Variants in UBR1 observed in about 807,000 individuals in gnomAD.
UBR1 encodes ubiquitin protein ligase E3 component n-recognin 1.
A neutral mutation model predicts 242.1 loss-of-function variants in UBR1; 102 were observed. The observed-to-expected ratio is 0.42, with a 90% CI of 0.36 to 0.50. The LOEUF is 0.50. UBR1 is among the 20% of genes least tolerant of loss of function. UBR1 has a pLI of 0.01. For synonymous variants in UBR1, 675 were observed against 684.8 expected, an observed-to-expected ratio of 0.99 and a Z score of 0.22; for missense variants, 1,772 against 2,101.8, an observed-to-expected ratio of 0.84 and a Z score of 3.07.
At chr15:43,027,564 A>G (rs993917769) in intron 22 of UBR1, among the ~76,000 whole-genome samples, 41 of 152,114 alleles carry the variant, frequency 2.7e-4, no homozygotes, top group Non-Finnish European at 2.1e-4. Flanking sequence ...ATAAATGAGT[A>G]TTTCTCATTC....
Position 43,086,127 on chromosome 15 carries a change from A to G in UBR1, c.195T>C (p.Ser65=), listed in dbSNP as rs1263218019. ...MDPDLEKQEE[S]VQMSIFTPLE... Reference sequence around the variant, plus strand: ...GTGGAGTGAATATTGACATTTGTACACTTTCCTCCTGCTTTTCCAAGTCTG... The same window carrying G: ...GTGGAGTGAATATTGACATTTGTACGCTTTCCTCCTGCTTTTCCAAGTCTG... Residue 65 remains serine (S), a synonymous_variant, in exon 2 of 47, where the codon AGT becomes AGC. Transcript: ENST00000290650. 4.3e-6 allele frequency: 7 copies of G among 1,613,926 alleles called. No individual in the cohort carries two copies. The highest frequency in any genetic ancestry group is 5.9e-6 in the Non-Finnish European group (7 of 1,179,994).
chr15:43,039,452 A>G (rs1434449161), intron 15 of UBR1, among the ~76,000 whole-genome samples: 1 of 152,082 alleles, frequency 6.6e-6, no homozygotes, highest in Non-Finnish European at 1.5e-5. Context: ...TGTGAATGGG[A>G]GTTCACTCAC....
intron 1 of UBR1, among the ~76,000 whole-genome samples, chr15:43,092,598 G>A (rs1013304386): frequency 6.6e-6 from 1 of 152,088 alleles, no homozygotes; most frequent in African/African-American, 2.4e-5. Flanking sequence ...TCTGTCACCA[G>A]GCTGGAATGC....
chr15:42,962,782 G>A (rs376308683), intron 42 of UBR1, among the ~76,000 whole-genome samples: 1 of 152,142 alleles, frequency 6.6e-6, no homozygotes, highest in Non-Finnish European at 1.5e-5. Context: ...GAGCCACCAC[G>A]CCTGGCCAAC....
At chr15:42,957,896 C>G in intron 44 of UBR1, 117 bp downstream of exon 44, 1 of 930,944 alleles carries the variant, frequency 1.1e-6, no homozygotes, top group South Asian at 1.5e-5. Context: ...CAAAAAAACC[C>G]AAACCAAAAC....
intron 3 of UBR1, among the ~76,000 whole-genome samples, chr15:43,078,042 T>G (rs1301772141): frequency 3.9e-5 from 6 of 152,168 alleles, no homozygotes; most frequent in Admixed American, 3.9e-4. Context: ...AGCCTGTGGG[T>G]GCAGATAGCA....
At chr15:42,987,711 C>CAA (rs35169116) in intron 35 of UBR1, among the ~76,000 whole-genome samples, 800 of 53,116 alleles carry the variant, frequency 0.015, 36 homozygotes, top group East Asian at 0.06. Flanking sequence ...GACTCTGTCT[C>CAA]AAAAAAAAAA....
intron 1 of UBR1, among the ~76,000 whole-genome samples, chr15:43,100,828 G>A (rs1286900227): frequency 2.6e-5 from 4 of 152,042 alleles, no homozygotes; most frequent in African/African-American, 4.8e-5. Flanking sequence ...GCGAGACTCC[G>A]TCTCAAAAAA....
chr15:42,973,048 G>A (rs2032232264), intron 39 of UBR1, among the ~76,000 whole-genome samples: 1 of 152,186 alleles, frequency 6.6e-6, no homozygotes, highest in African/African-American at 2.4e-5. Flanking sequence ...TCTAATAGGT[G>A]TATAGTGGTA....
intron 30 of UBR1, among the ~76,000 whole-genome samples, chr15:43,005,216 G>A (rs1018504716): frequency 3.3e-5 from 5 of 151,914 alleles, no homozygotes; most frequent in Non-Finnish European, 7.4e-5. Flanking sequence ...GAGCATCTCC[G>A]CCCGGCAGCC....
intron 15 of UBR1, among the ~76,000 whole-genome samples, chr15:43,041,927 G>A (rs2033424225): frequency 6.6e-6 from 1 of 152,070 alleles, no homozygotes; most frequent in Non-Finnish European, 1.5e-5. Flanking sequence ...TTGAAAAGCT[G>A]ATCAAAATCA....
intron 10 of UBR1, among the ~76,000 whole-genome samples, chr15:43,057,761 A>T (rs780757612): frequency 6.6e-6 from 1 of 152,180 alleles, no homozygotes; most frequent in African/African-American, 2.4e-5. Flanking sequence ...CAAATAAATG[A>T]TTAGGAAGAC....
intron 15 of UBR1, among the ~76,000 whole-genome samples, chr15:43,043,008 C>T (rs973652761): frequency 7.2e-5 from 11 of 152,058 alleles, no homozygotes; most frequent in Admixed American, 2.0e-4. Context: ...TTGACCCAGA[C>T]AAAACAAAGC....
chr15:43,014,205 G>A (rs948095719), intron 29 of UBR1, among the ~76,000 whole-genome samples: 35 of 152,258 alleles, frequency 2.3e-4, no homozygotes, highest in Non-Finnish European at 4.6e-4. Flanking sequence ...CCAGGCTGGA[G>A]TGCAGTGGCG....
At chr15:42,970,454 G>A (rs745545279) in intron 40 of UBR1, 66 bp downstream of exon 40, 45 of 1,490,072 alleles carry the variant, frequency 3.0e-5, no homozygotes, top group Admixed American at 1.3e-4. Flanking sequence ...CAAATGTTAC[G>A]TTGCCAAACA....
At chr15:42,982,962 A>G (rs1028378392) in intron 37 of UBR1, among the ~76,000 whole-genome samples, 2 of 152,216 alleles carry the variant, frequency 1.3e-5, no homozygotes, top group African/African-American at 4.8e-5. Flanking sequence ...AAATGCACAG[A>G]TGGAAATGCA....
chr15:43,030,485 A>G (rs1464225320), intron 20 of UBR1, among the ~76,000 whole-genome samples: 1 of 152,202 alleles, frequency 6.6e-6, no homozygotes, highest in Non-Finnish European at 1.5e-5. Context: ...ATCTTTCTCA[A>G]TTTTGTCTCT....
intron 33 of UBR1, among the ~76,000 whole-genome samples, chr15:42,994,835 C>T (rs911608146): frequency 1.3e-5 from 2 of 152,176 alleles, no homozygotes; most frequent in Admixed American, 6.5e-5. Context: ...GCAACTGATT[C>T]CTGATTAATC....
chr15:43,009,798 T>C (rs1366542441), intron 29 of UBR1, among the ~76,000 whole-genome samples: 1 of 152,224 alleles, frequency 6.6e-6, no homozygotes, highest in Non-Finnish European at 1.5e-5. Flanking sequence ...AACTATAGTA[T>C]ATCATTGAAC....
Sources: gnomAD v4.1 joint callset for allele counts (sites outside exome capture counted in the v4.1 genomes callset) on GRCh38, gnomAD v4.1.1 for gene constraint, MANE v1.5 for transcripts, NCBI Gene and HGNC (gene_info 2026-07-23, HGNC 2026-07-21) for gene names.